The following CFAP47 variants were observed in gnomAD, a reference collection of about 807,000 sequenced individuals.
The protein encoded by CFAP47 is cilia- and flagella-associated protein 47.
In CFAP47, 29 loss-of-function variants were observed where a neutral mutation model predicts 148.1. The observed-to-expected ratio is 0.20, with a 90% CI of 0.15 to 0.27. CFAP47 has a LOEUF of 0.27. Ranked by LOEUF, CFAP47 falls within the 10% of genes least tolerant of loss-of-function variation. The pLI is 1.00. For synonymous variants in CFAP47, 664 were observed against 577.3 expected, an observed-to-expected ratio of 1.15 and a Z score of -2.15; for missense variants, 1,872 against 1,697.5, an observed-to-expected ratio of 1.10 and a Z score of -1.81.
At position 36,340,033 on chromosome X, in the gene CFAP47, T is replaced by G. The variant is rs782185630; in HGVS notation, c.8444-8096T>G. ...TTGACAGTGTCTTCTTCGGATAACCTTCTATTAAATCTCAAACATTAGCTA... is the reference window on the plus strand; with the variant it reads ...TTGACAGTGTCTTCTTCGGATAACCGTCTATTAAATCTCAAACATTAGCTA... On this transcript the variant is annotated intron_variant, in intron 57 of 63. Coordinates refer to ENST00000378653, the MANE Select transcript of CFAP47 (RefSeq NM_001304548.2). Among the ~76,000 whole-genome samples the G allele has an allele frequency of 7.1e-5, 8 of 112,048 alleles. No individual in the cohort carries two copies. The South Asian group carries it at 2.6e-3, about 36-fold the overall frequency.
At chrX:35,925,272 G>T (rs766666698) in intron 1 of CFAP47, among the ~76,000 whole-genome samples, 4 of 110,723 alleles carry the variant, frequency 3.6e-5, no homozygotes, top group African/African-American at 1.3e-4. Context: ...TACTCGGGAG[G>T]CTGAGGCAGG....
intron 56 of CFAP47, among the ~76,000 whole-genome samples, chrX:36,311,471 C>A (rs782755983): frequency 9.0e-6 from 1 of 110,754 alleles, no homozygotes; most frequent in East Asian, 2.8e-4. Context: ...AGAGTTTGAT[C>A]ACTTTATATT....
At chrX:36,105,771 G>A (rs1339277010) in intron 33 of CFAP47, among the ~76,000 whole-genome samples, 1 of 112,430 alleles carries the variant, frequency 8.9e-6, no homozygotes, top group Admixed American at 9.4e-5. Flanking sequence ...GATTATTGCA[G>A]AGTAACACTT....
At chrX:36,073,402 A>T (rs1429015367) in intron 29 of CFAP47, 38 bp downstream of exon 29, 1 of 877,339 alleles carries the variant, frequency 1.1e-6, no homozygotes, top group Admixed American at 2.6e-5. Context: ...TTTGCTTCAT[A>T]TCACATCATA....
rs758330086 is a variant in CFAP47, at chrX:35,951,211, T to C, written c.737T>C (p.Met246Thr). 2.5e-6 allele frequency: 3 copies of C among 1,208,706 alleles called. No homozygotes were observed. The highest frequency in any genetic ancestry group is 3.4e-6 in the Non-Finnish European group (3 of 894,194). The change falls in exon 5 of 64, where the codon ATG becomes ACG. Residue 246 changes from methionine (M) to threonine (T), a missense_variant. Transcript: ENST00000378653. ...VVEQIIELLS[M>T]SSDRRLECIH... Reference sequence around the variant, plus strand: ...GAGCAGATTATTGAATTATTAAGCATGAGTAGTGACAGAAGGCTGGAATGC... The same window carrying C: ...GAGCAGATTATTGAATTATTAAGCACGAGTAGTGACAGAAGGCTGGAATGC...
At chrX:36,242,737 G>A (rs1301585963) in intron 48 of CFAP47, among the ~76,000 whole-genome samples, 2 of 111,981 alleles carry the variant, frequency 1.8e-5, no homozygotes, top group Non-Finnish European at 3.8e-5. Context: ...GAGAAAGTAA[G>A]CAACATGGAA....
Position 36,071,091 on chromosome X carries a change from G to A in CFAP47, c.4319-734G>A, listed in dbSNP as rs73468985. On this transcript the variant is annotated intron_variant, in intron 27 of 63. Transcript: ENST00000378653. Reference sequence around the variant, plus strand: ...GTAACACTGCCTCTTCAATTAAGCCGTTTACTTCTACCTCTGGCTTGCCCT... The same window carrying A: ...GTAACACTGCCTCTTCAATTAAGCCATTTACTTCTACCTCTGGCTTGCCCT... 9.7e-3 allele frequency among the ~76,000 whole-genome samples: 1,085 copies of A among 112,365 alleles called. 8 individuals are homozygous for A. Among genetic ancestry groups the A allele is most frequent in the African/African-American group, 0.033 (1,025 of 30,954 alleles).
Position 36,367,097 on chromosome X carries a change from T to C in CFAP47, c.9155T>C (p.Val3052Ala), listed in dbSNP as rs782223981. The change falls in exon 62 of 64, where the codon GTT becomes GCT. Residue 3052 changes from valine to alanine, a missense_variant. Physicochemically the swap from Val to Ala is moderately conservative, Grantham distance 64. Transcript: ENST00000378653. ...IEGVGLFKES[V>A]FELRLKSQTR... ...GGAGTTGGTTTATTTAAGGAATCTGTTTTTGAACTTAGGCTGAAAAGTCAG... is the reference window on the plus strand; with the variant it reads ...GGAGTTGGTTTATTTAAGGAATCTGCTTTTGAACTTAGGCTGAAAAGTCAG... The C allele has an allele frequency of 3.4e-5, 39 of 1,157,364 alleles. No homozygotes were observed. Among genetic ancestry groups the C allele is most frequent in the Non-Finnish European group, 4.3e-5 (37 of 866,775 alleles).
At chrX:36,109,680 T>C (rs1474225827) in intron 33 of CFAP47, among the ~76,000 whole-genome samples, 4 of 110,872 alleles carry the variant, frequency 3.6e-5, no homozygotes, top group Admixed American at 9.6e-5. Flanking sequence ...TTTACCATGT[T>C]GGCCAGGATG....
intron 22 of CFAP47, among the ~76,000 whole-genome samples, chrX:36,021,034 TA>T (rs1937151320): frequency 1.8e-5 from 2 of 111,340 alleles, no homozygotes; most frequent in African/African-American, 3.3e-5. Flanking sequence ...TAGTATCTGA[TA>T]ACCTTTCCTT....
intron 26 of CFAP47, among the ~76,000 whole-genome samples, chrX:36,058,733 CT>C (rs1462259996): frequency 9.0e-6 from 1 of 111,214 alleles, no homozygotes; most frequent in Non-Finnish European, 1.9e-5. Context: ...TTGCCCTTCC[CT>C]TTTGTACCAT....
At chrX:36,341,005 T>C (rs1333839928) in intron 57 of CFAP47, among the ~76,000 whole-genome samples, 2 of 109,207 alleles carry the variant, frequency 1.8e-5, no homozygotes, top group African/African-American at 6.7e-5. Flanking sequence ...ATAATAGTAC[T>C]ACTTATGGTG....
At chrX:36,059,306 A>T (rs749679428) in intron 26 of CFAP47, among the ~76,000 whole-genome samples, 1 of 111,826 alleles carries the variant, frequency 8.9e-6, no homozygotes, top group South Asian at 3.7e-4. Flanking sequence ...TATTCTTGGA[A>T]TGAAAATAAC....
intron 57 of CFAP47, among the ~76,000 whole-genome samples, chrX:36,320,687 C>G (rs782660149): frequency 8.9e-6 from 1 of 112,084 alleles, no homozygotes; most frequent in East Asian, 2.8e-4. Context: ...TTCAATGTCA[C>G]TAATAATCAG....
intron 46 of CFAP47, among the ~76,000 whole-genome samples, chrX:36,230,673 G>A (rs1361580695): frequency 9.1e-6 from 1 of 110,324 alleles, no homozygotes; most frequent in Admixed American, 9.7e-5. Flanking sequence ...TTTTAGACAT[G>A]AAGTCCTTGC....
chrX:36,375,878 TAG>T (rs138220866), intron 62 of CFAP47, among the ~76,000 whole-genome samples: 1,340 of 111,936 alleles, frequency 0.012, 11 homozygotes, highest in Middle Eastern at 0.018. Context: ...CTCAGGCAGC[TAG>T]AGTCTGTAAC....
At chrX:36,100,043 C>T (rs1938348267) in intron 32 of CFAP47, among the ~76,000 whole-genome samples, 164 bp downstream of exon 32, 1 of 111,168 alleles carries the variant, frequency 9.0e-6, no homozygotes, top group Admixed American at 9.6e-5. Flanking sequence ...GTGAGAGGGT[C>T]AAAGCTTCTG....
chrX:36,070,972 A>G (rs1190528038), intron 27 of CFAP47, among the ~76,000 whole-genome samples: 2 of 112,417 alleles, frequency 1.8e-5, no homozygotes, highest in Non-Finnish European at 3.8e-5. Context: ...ATGGGAATAA[A>G]TATGACTGCA....
At chrX:36,177,465 A>ATGAGAAT (rs1939698611) in intron 39 of CFAP47, among the ~76,000 whole-genome samples, 1 of 111,966 alleles carries the variant, frequency 8.9e-6, no homozygotes, top group Admixed American at 9.5e-5. Flanking sequence ...TGAAATTTAG[A>ATGAGAAT]TGAGAATTTA....
Sources: gnomAD v4.1 joint callset for allele counts (sites outside exome capture counted in the v4.1 genomes callset) on GRCh38, gnomAD v4.1.1 for gene constraint, MANE v1.5 for transcripts, NCBI Gene and HGNC (gene_info 2026-07-23, HGNC 2026-07-21) for gene names.